DIAPH3: variants seen among roughly 807,000 people sequenced by gnomAD.
DIAPH3 encodes the protein protein diaphanous homolog 3.
DIAPH3 carries 117 observed loss-of-function variants against 144.3 expected under a neutral mutation model. That is an observed-to-expected ratio of 0.81 (90% CI 0.70 to 0.95). DIAPH3 has a LOEUF of 0.95. Ranked by LOEUF, DIAPH3 falls within the 40% of genes least tolerant of loss-of-function variation. The probability of loss-of-function intolerance (pLI) is 0.00; values close to 1 mark genes in which losing one functional copy is unlikely to be tolerated. For synonymous variants in DIAPH3, 519 were observed against 488.9 expected (o/e 1.06, Z -0.81); for missense variants, 1,421 against 1,412.7 (o/e 1.01, Z -0.09).
At chr13:59,950,828 CTA>C (rs750962991) in intron 17 of DIAPH3, among the ~76,000 whole-genome samples, 38 of 151,348 alleles carry the variant, frequency 2.5e-4, no homozygotes, top group Non-Finnish European at 4.1e-4. Context: ...GTGGAAATAA[CTA>C]TATATATATA....
chr13:59,709,728 A>T (rs12867983), intron 27 of DIAPH3, among the ~76,000 whole-genome samples: 2 of 152,190 alleles, frequency 1.3e-5, no homozygotes, highest in South Asian at 4.1e-4. Context: ...CATTTGACCC[A>T]GCCATCCCAT....
At chr13:60,060,945 A>AATT (rs1434745737) in intron 4 of DIAPH3, among the ~76,000 whole-genome samples, 8 of 150,788 alleles carry the variant, frequency 5.3e-5, no homozygotes, top group Non-Finnish European at 8.9e-5. Context: ...ATACTGTTAT[A>AATT]ATAACCACTG....
intron 22 of DIAPH3, among the ~76,000 whole-genome samples, chr13:59,851,848 G>A (rs1014206374): frequency 2.0e-5 from 3 of 152,060 alleles, no homozygotes; most frequent in Non-Finnish European, 4.4e-5. Flanking sequence ...TCAATCTCTT[G>A]ACCTCATGAT....
Position 60,163,738 on chromosome 13 carries a change from T to C in DIAPH3, c.29A>G (p.His10Arg), listed in dbSNP as rs750117161. The stretch of plus-strand genomic sequence containing the variant: ...CCCAGCGGCTGAGCCTTGGGCCGGG[T>C]GGTGCAGCCGCGGCTGGTGCCGTTC... MERHQPRLH[H>R]PAQGSAAGTP... The change falls in exon 1 of 28, where the codon CAC becomes CGC. Residue 10 changes from histidine to arginine, a missense_variant. Coordinates refer to ENST00000400324, the MANE Select transcript of DIAPH3 (RefSeq NM_001042517.2). The C allele has an allele frequency of 6.2e-7, 1 of 1,603,862 alleles. No homozygotes were observed. The highest frequency in any genetic ancestry group is 1.1e-5 in the South Asian group (1 of 90,186).
chr13:59,782,840 C>T (rs2038809744), intron 25 of DIAPH3, among the ~76,000 whole-genome samples: 1 of 152,062 alleles, frequency 6.6e-6, no homozygotes, highest in Non-Finnish European at 1.5e-5. Flanking sequence ...TCAAAAGAGA[C>T]AAGACCCAGC....
intron 27 of DIAPH3, among the ~76,000 whole-genome samples, chr13:59,751,037 C>T (rs914766779): frequency 6.6e-6 from 1 of 152,266 alleles, no homozygotes; most frequent in Non-Finnish European, 1.5e-5. Context: ...TTGCCTTCAG[C>T]AGCAATGCTT....
rs144166547 is a variant in DIAPH3, at chr13:59,803,412, A to G, written c.3163+7376T>C. Among the ~76,000 whole-genome samples the G allele has an allele frequency of 4.3e-3, 662 of 152,324 alleles. 8 individuals are homozygous for G. Among genetic ancestry groups the G allele is most frequent in the African/African-American group, 0.015 (633 of 41,568 alleles). ...TTCCCAGAGAAGTTAAACAACAAAA[A>G]GTGAAGTTCAGAATATAGTAAATAC... On this transcript the variant is annotated intron_variant, in intron 25 of 27. Transcript: ENST00000400324.
At chr13:59,710,674 T>C (rs896180410) in intron 27 of DIAPH3, among the ~76,000 whole-genome samples, 21 of 152,372 alleles carry the variant, frequency 1.4e-4, no homozygotes, top group Non-Finnish European at 1.6e-4. Flanking sequence ...CATCTTAACA[T>C]TGTTGTGATT....
intron 5 of DIAPH3, among the ~76,000 whole-genome samples, chr13:60,032,191 T>A (rs1490918303): frequency 6.6e-6 from 1 of 152,142 alleles, no homozygotes; most frequent in Non-Finnish European, 1.5e-5. Flanking sequence ...GCATTGAGTG[T>A]CTATAGCTTT....
At chr13:59,755,919 TATG>T (rs2037231148) in intron 27 of DIAPH3, among the ~76,000 whole-genome samples, 1 of 152,186 alleles carries the variant, frequency 6.6e-6, no homozygotes, top group Non-Finnish European at 1.5e-5. Flanking sequence ...TAGCTATTAT[TATG>T]ATCAGACACT....
At chr13:60,075,872 A>G (rs980680132) in intron 4 of DIAPH3, among the ~76,000 whole-genome samples, 2 of 152,226 alleles carry the variant, frequency 1.3e-5, no homozygotes, top group African/African-American at 4.8e-5. Flanking sequence ...GCTGATATCC[A>G]AGTGTTGACC....
intron 4 of DIAPH3, chr13:60,044,260 G>A (rs772822060): frequency 6.6e-6 from 1 of 152,170 alleles, no homozygotes; most frequent in Non-Finnish European, 1.5e-5. Context: ...GAAGTGGTAC[G>A]AAATTCGGTG....
intron 15 of DIAPH3, among the ~76,000 whole-genome samples, chr13:59,971,531 G>A (rs1373718674): frequency 6.6e-6 from 1 of 152,170 alleles, no homozygotes; most frequent in Non-Finnish European, 1.5e-5. Context: ...AGTATGGAGA[G>A]AATATGTAGC....
intron 9 of DIAPH3, among the ~76,000 whole-genome samples, chr13:60,004,804 T>C (rs1224160483): frequency 1.3e-5 from 2 of 152,124 alleles, no homozygotes; most frequent in Admixed American, 6.5e-5. Flanking sequence ...TAACAGAAAA[T>C]ATAATTACAA....
intron 22 of DIAPH3, among the ~76,000 whole-genome samples, chr13:59,840,088 A>G (rs1157313958): frequency 4.6e-5 from 7 of 152,170 alleles, no homozygotes; most frequent in Admixed American, 1.3e-4. Flanking sequence ...AGAATATACT[A>G]GCCACCCAGC....
chr13:59,957,973 G>C (rs1404502347), intron 17 of DIAPH3, among the ~76,000 whole-genome samples: 1 of 152,148 alleles, frequency 6.6e-6, no homozygotes, highest in Non-Finnish European at 1.5e-5. Context: ...GATTAAAGGA[G>C]AAAGAAGAGC....
chr13:59,973,852 GCTAT>G (rs1408054023), intron 15 of DIAPH3, among the ~76,000 whole-genome samples: 2 of 152,086 alleles, frequency 1.3e-5, no homozygotes, highest in Non-Finnish European at 2.9e-5. Flanking sequence ...GTGCATGGGA[GCTAT>G]CTGCTTCATA....
chr13:59,673,515 G>A (rs1028884999), intron 27 of DIAPH3, among the ~76,000 whole-genome samples: 18 of 152,126 alleles, frequency 1.2e-4, no homozygotes, highest in African/African-American at 4.3e-4. Flanking sequence ...TGAATAGTTT[G>A]AAACCCTAAA....
chr13:59,812,624 C>T (rs1566349201), intron 24 of DIAPH3, among the ~76,000 whole-genome samples: 1 of 152,058 alleles, frequency 6.6e-6, no homozygotes, highest in Non-Finnish European at 1.5e-5. Context: ...TCTTAAATGT[C>T]AAGGAGCTAG....
Sources: gnomAD v4.1 joint callset for allele counts (sites outside exome capture counted in the v4.1 genomes callset) on GRCh38, gnomAD v4.1.1 for gene constraint, MANE v1.5 for transcripts, NCBI Gene and HGNC (gene_info 2026-07-23, HGNC 2026-07-21) for gene names.